MACROD2: variants seen among roughly 807,000 people sequenced by gnomAD.
MACROD2 encodes the protein ADP-ribose glycohydrolase MACROD2.
Under a neutral mutation model 70.4 loss-of-function variants are expected in MACROD2, and 36 were observed. The ratio of observed to expected loss-of-function variants is 0.51; its 90% confidence interval spans 0.39 to 0.68. The LOEUF is 0.68. MACROD2 is among the 30% of genes least tolerant of loss of function. The probability of loss-of-function intolerance (pLI) is 0.00; values close to 1 mark genes in which losing one functional copy is unlikely to be tolerated. For synonymous variants in MACROD2, 172 were observed against 178.8 expected (o/e 0.96, Z 0.30); for missense variants, 496 against 538.4 (o/e 0.92, Z 0.78).
At chr20:15,052,402 T>C (rs2075449327) in intron 5 of MACROD2, among the ~76,000 whole-genome samples, 1 of 152,370 alleles carries the variant, frequency 6.6e-6, no homozygotes, top group East Asian at 1.9e-4. Context: ...TTGGCACCAC[T>C]TTTTAAAGAG....
At chr20:15,860,138 AAAAC>A (rs770712936) in intron 8 of MACROD2, among the ~76,000 whole-genome samples, 3 of 152,152 alleles carry the variant, frequency 2.0e-5, no homozygotes, top group Non-Finnish European at 4.4e-5. Context: ...CCATCTCAAA[AAAAC>A]AAACACACAC....
chr20:15,882,516 G>T (rs1306544098), intron 9 of MACROD2, among the ~76,000 whole-genome samples: 4 of 152,016 alleles, frequency 2.6e-5, no homozygotes, highest in Admixed American at 1.3e-4. Flanking sequence ...GAAGACAATT[G>T]TGTTCCTTTT....
At chr20:15,732,269 C>G (rs985444740) in intron 8 of MACROD2, among the ~76,000 whole-genome samples, 4 of 152,022 alleles carry the variant, frequency 2.6e-5, no homozygotes, top group African/African-American at 7.2e-5. Context: ...TGCATCCTGT[C>G]CTACAAGTCA....
chr20:14,669,013 G>A (rs1038952256), intron 4 of MACROD2, among the ~76,000 whole-genome samples: 5 of 152,110 alleles, frequency 3.3e-5, no homozygotes, highest in Non-Finnish European at 5.9e-5. Flanking sequence ...AGAAAAAGAT[G>A]TCAAAAGGAA....
At chr20:15,413,259 G>C (rs2046102644) in intron 6 of MACROD2, among the ~76,000 whole-genome samples, 2 of 152,092 alleles carry the variant, frequency 1.3e-5, no homozygotes, top group South Asian at 4.2e-4. Context: ...TCACATCAAA[G>C]GTAAATGAGA....
At chr20:14,108,292 T>A (rs1188246113) in intron 3 of MACROD2, among the ~76,000 whole-genome samples, 1 of 151,608 alleles carries the variant, frequency 6.6e-6, no homozygotes, top group Non-Finnish European at 1.5e-5. Flanking sequence ...AATTAAATCA[T>A]GCTATCAGAT....
At chr20:15,413,773 TG>T (rs772740532) in intron 6 of MACROD2, among the ~76,000 whole-genome samples, 112 of 152,330 alleles carry the variant, frequency 7.4e-4, no homozygotes, top group Non-Finnish European at 1.5e-3. Context: ...CTCAGATCAC[TG>T]AATCATAGTC....
chr20:14,919,031 C>G (rs769335368), intron 5 of MACROD2, among the ~76,000 whole-genome samples: 2 of 152,088 alleles, frequency 1.3e-5, no homozygotes, highest in Non-Finnish European at 2.9e-5. Flanking sequence ...AGGAGTCCTC[C>G]CAAATTGGAT....
chr20:15,392,601 A>G (rs2045808265), intron 6 of MACROD2, among the ~76,000 whole-genome samples: 1 of 152,114 alleles, frequency 6.6e-6, no homozygotes, highest in Non-Finnish European at 1.5e-5. Flanking sequence ...ATTCAGAGAT[A>G]TTAAAGTGAT....
chr20:14,228,210 G>A (rs952082894), intron 3 of MACROD2, among the ~76,000 whole-genome samples: 11 of 151,758 alleles, frequency 7.2e-5, no homozygotes, highest in Admixed American at 2.0e-4. Flanking sequence ...GTGTGCGTGT[G>A]TAGACAATAA....
chr20:14,570,150 CA>C (rs565987849), intron 4 of MACROD2, among the ~76,000 whole-genome samples: 2 of 151,876 alleles, frequency 1.3e-5, no homozygotes, highest in African/African-American at 4.8e-5. Context: ...TACACTATTA[CA>C]AAAAATACAG....
intron 8 of MACROD2, among the ~76,000 whole-genome samples, chr20:15,659,616 G>A (rs2049789410): frequency 6.6e-6 from 1 of 151,846 alleles, no homozygotes; most frequent in Non-Finnish European, 1.5e-5. Context: ...TCACATTAGG[G>A]GGTAAGACAC....
chr20:15,053,599 G>A (rs140176438), intron 5 of MACROD2, among the ~76,000 whole-genome samples: 57 of 152,108 alleles, frequency 3.7e-4, no homozygotes, highest in South Asian at 2.5e-3. Flanking sequence ...AAATATTATC[G>A]CTTATTAACA....
intron 8 of MACROD2, among the ~76,000 whole-genome samples, chr20:15,547,294 G>C (rs1039606875): frequency 2.6e-5 from 4 of 152,162 alleles, no homozygotes; most frequent in African/African-American, 7.2e-5. Context: ...AGCAGTACTA[G>C]ACAGATGGAA....
chr20:15,030,545 T>A (rs2075266736), intron 5 of MACROD2, among the ~76,000 whole-genome samples: 1 of 152,218 alleles, frequency 6.6e-6, no homozygotes, highest in South Asian at 2.1e-4. Context: ...AGCTGCATAC[T>A]ATTTTATTGG....
At chr20:14,277,419 G>T (rs1161730635) in intron 3 of MACROD2, among the ~76,000 whole-genome samples, 1 of 152,226 alleles carries the variant, frequency 6.6e-6, no homozygotes, top group African/African-American at 2.4e-5. Context: ...CTCCAGCGTG[G>T]TGACAGAGTG....
At chr20:14,173,471 A>G (rs6079333) in intron 3 of MACROD2, among the ~76,000 whole-genome samples, 1 of 151,898 alleles carries the variant, frequency 6.6e-6, no homozygotes, top group Admixed American at 6.5e-5. Context: ...AGTTGTGATT[A>G]TTTTTTATTT....
intron 8 of MACROD2, among the ~76,000 whole-genome samples, chr20:15,856,984 T>C (rs193270935): frequency 6.6e-6 from 1 of 152,322 alleles, no homozygotes; most frequent in African/African-American, 2.4e-5. Flanking sequence ...AAGAACATTG[T>C]TATTCTTTGT....
At chr20:15,214,012 C>T (rs190036877) in intron 5 of MACROD2, among the ~76,000 whole-genome samples, 73 of 152,050 alleles carry the variant, frequency 4.8e-4, no homozygotes, top group East Asian at 4.7e-3. Flanking sequence ...CCCAAAGTTC[C>T]GGGATTACAG....
Sources: gnomAD v4.1 joint callset for allele counts (sites outside exome capture counted in the v4.1 genomes callset) on GRCh38, gnomAD v4.1.1 for gene constraint, MANE v1.5 for transcripts, NCBI Gene and HGNC (gene_info 2026-07-23, HGNC 2026-07-21) for gene names.